The following PPP1R11 variants were observed in gnomAD, a reference collection of about 807,000 sequenced individuals.
PPP1R11 encodes protein phosphatase 1 regulatory inhibitor subunit 11.
PPP1R11 carries 10 observed loss-of-function variants against 11.3 expected under a neutral mutation model. The ratio of observed to expected loss-of-function variants is 0.88; its 90% CI spans 0.55 to 1.50. The LOEUF (loss-of-function observed/expected upper bound fraction) is 1.50, where lower values mean the gene tolerates loss of function less well. Among genes scored for constraint, PPP1R11 ranks in the 40% most tolerant of loss-of-function variants. The probability of loss-of-function intolerance (pLI) is 0.00; values close to 1 mark genes in which losing one functional copy is unlikely to be tolerated. For synonymous variants in PPP1R11, 56 were observed against 62.3 expected, an observed-to-expected ratio of 0.90 and a Z score of 0.48; for missense variants, 114 against 179.1, an observed-to-expected ratio of 0.64 and a Z score of 2.07.
At chr6:30,068,408 T>A (rs962554196) in intron 1 of PPP1R11, 182 bp from the exon 2 acceptor site, 9 of 502,718 alleles carry the variant, frequency 1.8e-5, no homozygotes, top group Non-Finnish European at 2.5e-5. Context: ...AAATAATACT[T>A]ATTCCTCAAG....
chr6:30,061,728 C>T (rs1765091272), upstream of PPP1R11: 6 of 1,607,094 alleles, frequency 3.7e-6, no homozygotes, highest in Admixed American at 3.4e-5. The surrounding 1 kb of genome is among the most constrained non-coding windows in gnomAD (Gnocchi z 5.0). Flanking sequence ...GCTTGGGGAA[C>T]TCAAGATCGG....
chr6:30,069,441 A>C lies in PPP1R11; in HGVS notation c.*135A>C. On this transcript the variant is annotated 3_prime_UTR_variant, in exon 3 of 3. Coordinates refer to ENST00000376772, the MANE Select transcript of PPP1R11 (RefSeq NM_021959.3). This position sits in a 1 kb window ranked among gnomAD's most constrained non-coding sequence, Gnocchi z 6.6. ...AGAGGAGGACGAACAGAGATCCTGA[A>C]ATTCTGACTTGCTGCTATTCCAGAA... 1 of 741,576 alleles carries C rather than the reference A, an allele frequency of 1.3e-6. No individual in the cohort carries two copies. Among genetic ancestry groups the C allele is most frequent in the Admixed American group, 3.2e-5 (1 of 31,696 alleles). 45.9% of individuals were successfully genotyped at this position (741,576 alleles called of 1,614,324 possible). A position where few individuals can be genotyped will look rare whatever the true frequency, so the allele number is the denominator to read the frequency against.
upstream of PPP1R11, among the ~76,000 whole-genome samples, chr6:30,065,737 CCA>C (rs1765469772): frequency 6.6e-6 from 1 of 151,748 alleles, no homozygotes; most frequent in Non-Finnish European, 1.5e-5. The surrounding 1 kb of genome is among the most constrained non-coding windows in gnomAD (Gnocchi z 5.3). Context: ...GAATCCTACT[CCA>C]CAGAGATAAC....
At chr6:30,061,395 A>AG in the PPP1R11 span, 49,516 of 1,014,950 alleles carry the variant, frequency 0.049, 1,577 homozygotes, top group East Asian at 0.073. This position sits in a 1 kb window ranked among gnomAD's most constrained non-coding sequence, Gnocchi z 5.0. Flanking sequence ...CAGAGGCAGG[A>AG]GGCGTGCGTG....
In PPP1R11 at chr6:30,067,625, G is replaced by A. The variant is rs1451472714; in HGVS notation, c.69+146G>A. ...ATATCTAGGGCTGGGAGAATCGGAA[G>A]GTATTGGAGCTATTTGGAGTGGCAG... is the stretch of plus-strand genomic sequence containing the variant. On this transcript the variant is annotated intron_variant, in intron 1 of 2. Transcript: ENST00000376772. 3 of 1,031,118 alleles carry A rather than the reference G, an allele frequency of 2.9e-6. No homozygotes were observed. In the African/African-American group the frequency reaches 4.8e-5, roughly 16 times the overall value. The allele number at this position is 1,031,118 out of a possible 1,614,324, so 63.9% of individuals were successfully genotyped here.
At chr6:30,063,903 TTC>T (rs1765309742), upstream of PPP1R11, among the ~76,000 whole-genome samples, 1 of 152,232 alleles carries the variant, frequency 6.6e-6, no homozygotes, top group South Asian at 2.1e-4. This position sits in a 1 kb window ranked among gnomAD's most constrained non-coding sequence, Gnocchi z 4.1. Context: ...GGAGAGAGTT[TTC>T]TCTCTTTCTA....
At chr6:30,063,140 CTG>C (rs1156547446), upstream of PPP1R11, among the ~76,000 whole-genome samples, 1 of 151,444 alleles carries the variant, frequency 6.6e-6, no homozygotes, top group East Asian at 1.9e-4. This position sits in a 1 kb window ranked among gnomAD's most constrained non-coding sequence, Gnocchi z 4.1. Context: ...CTTTCTGAAA[CTG>C]AGAGTGGACT....
chr6:30,062,286 T>A (rs778669782), upstream of PPP1R11: 10 of 1,612,984 alleles, frequency 6.2e-6, no homozygotes, highest in African/African-American at 1.3e-5. Flanking sequence ...GACAGATGCG[T>A]TCAGCCGATG....
At chr6:30,064,782 C>A, upstream of PPP1R11, 1 of 1,277,900 alleles carries the variant, frequency 7.8e-7, no homozygotes, top group African/African-American at 1.5e-5. Context: ...TCCATCCTGT[C>A]TGGTTGCAAT....
Position 30,069,032 on chromosome 6 carries a change from T to A in PPP1R11, c.179-72T>A. The A allele has an allele frequency of 7.0e-7, 1 of 1,429,836 alleles. No individual in the cohort carries two copies. Among genetic ancestry groups the A allele is most frequent in the Non-Finnish European group, 9.8e-7 (1 of 1,025,376 alleles). The allele number at this position is 1,429,836 out of a possible 1,614,324, so 88.6% of individuals were successfully genotyped here. On this transcript the variant is annotated intron_variant, in intron 2 of 2. Coordinates refer to ENST00000376772, the MANE Select transcript of PPP1R11 (RefSeq NM_021959.3). The surrounding 1 kb of genome is among the most constrained non-coding windows in gnomAD (Gnocchi z 6.6). ...AGAAAATAGGAATTTTCACTGAGTTTGAGTGGGAATGGAACTGACTATATA... is the reference window on the plus strand; with the variant it reads ...AGAAAATAGGAATTTTCACTGAGTTAGAGTGGGAATGGAACTGACTATATA...
chr6:30,068,929 G>A (rs1182038150), intron 2 of PPP1R11, among the ~76,000 whole-genome samples, 175 bp from the exon 3 acceptor site: 2 of 152,176 alleles, frequency 1.3e-5, no homozygotes, highest in South Asian at 2.1e-4. Context: ...TTGAATTCGT[G>A]GCTCTCTAAG....
intron 1 of PPP1R11, among the ~76,000 whole-genome samples, chr6:30,068,018 A>C (rs1271909726): frequency 6.6e-6 from 1 of 152,220 alleles, no homozygotes; most frequent in Non-Finnish European, 1.5e-5. Context: ...TTGCCTTCAA[A>C]GGGAGAAGGT....
chr6:30,063,064 G>T (rs1256950476), upstream of PPP1R11, among the ~76,000 whole-genome samples: 1 of 151,946 alleles, frequency 6.6e-6, no homozygotes, highest in Non-Finnish European at 1.5e-5. The surrounding 1 kb of genome is among the most constrained non-coding windows in gnomAD (Gnocchi z 4.1). Context: ...TTTGTCTTTG[G>T]TGTTCTGCAG....
Position 30,068,667 on chromosome 6 carries a change from C to G in PPP1R11, c.147C>G (p.Asp49Glu). 6.2e-7 allele frequency: 1 copy of G among 1,612,938 alleles called. No individual in the cohort carries two copies. Among genetic ancestry groups the G allele is most frequent in the Non-Finnish European group, 8.5e-7 (1 of 1,179,958 alleles). ...TAGAATGGACAAGTGACACTGTGGA[C>G]AATGAACACATGGGCCGCCGCTCAT... ...KKVEWTSDTV[D>E]NEHMGRRSSK... The change falls in exon 2 of 3, where the codon GAC (aspartate) becomes GAG (glutamate). Residue 49 changes from aspartate (D) to glutamate (E), a missense_variant. Coordinates refer to ENST00000376772, the MANE Select transcript of PPP1R11 (RefSeq NM_021959.3).
At chr6:30,067,176 A>G (rs1765600142), upstream of PPP1R11, 3 of 449,260 alleles carry the variant, frequency 6.7e-6, no homozygotes, top group Non-Finnish European at 8.0e-6. Flanking sequence ...CGTGGAAGGG[A>G]AAAAGGGGGA....
chr6:30,061,499 C>T, the PPP1R11 span: 3 of 1,611,240 alleles, frequency 1.9e-6, no homozygotes, highest in Non-Finnish European at 2.5e-6. The surrounding 1 kb of genome is among the most constrained non-coding windows in gnomAD (Gnocchi z 5.0). Context: ...TAATAAACTT[C>T]CAACTCCCTC....
At chr6:30,068,337 G>A (rs1314679060) in intron 1 of PPP1R11, 2 of 354,186 alleles carry the variant, frequency 5.6e-6, no homozygotes, top group Non-Finnish European at 1.0e-5. Context: ...TTGAAGAGTT[G>A]CTGGGACCTT....
At chr6:30,061,354 G>T in the PPP1R11 span, 1 of 688,510 alleles carries the variant, frequency 1.5e-6, no homozygotes, top group Non-Finnish European at 2.4e-6. The surrounding 1 kb of genome is among the most constrained non-coding windows in gnomAD (Gnocchi z 5.0). Context: ...GACGCTGTCT[G>T]GGAATTCCGG....
rs761482049 is a variant in PPP1R11 at position 30,068,664 on chromosome 6, G to A, written c.144G>A (p.Val48=). 2.5e-6 allele frequency: 4 copies of A among 1,613,000 alleles called. No homozygotes were observed. The highest frequency in any genetic ancestry group is 3.4e-6 in the Non-Finnish European group (4 of 1,179,996). Residue 48 remains valine, a synonymous_variant, in exon 2 of 3, where the codon GTG becomes GTA. Transcript: ENST00000376772. ...EKKVEWTSDT[V]DNEHMGRRSS... ...AGGTAGAATGGACAAGTGACACTGT[G>A]GACAATGAACACATGGGCCGCCGCT...
Sources: gnomAD v4.1 joint callset for allele counts (sites outside exome capture counted in the v4.1 genomes callset) on GRCh38, gnomAD v4.1.1 for gene constraint, Gnocchi (gnomAD v3.1) non-coding constraint, MANE v1.5 for transcripts, NCBI Gene and HGNC (gene_info 2026-07-23, HGNC 2026-07-21) for gene names.